ULK4: variants seen among roughly 807,000 people sequenced by gnomAD.
The protein encoded by ULK4 is inactive serine/threonine-protein kinase ULK4.
In ULK4, 133 loss-of-function variants were observed where a neutral mutation model predicts 160.6. The ratio of observed to expected loss-of-function variants is 0.83; its 90% CI spans 0.72 to 0.96. ULK4 has a LOEUF of 0.96. Among genes scored for constraint, ULK4 ranks in the 40% least tolerant of loss-of-function variants. The probability of loss-of-function intolerance (pLI) is 0.00; values close to 1 mark genes in which losing one functional copy is unlikely to be tolerated. For missense variants in ULK4, 1,580 were observed against 1,499.5 expected, an observed-to-expected ratio of 1.05 and a Z score of -0.89; for synonymous variants, 534 against 539.8, an observed-to-expected ratio of 0.99 and a Z score of 0.15.
At chr3:41,922,462 A>C (rs1301268301) in intron 5 of ULK4, among the ~76,000 whole-genome samples, 1 of 152,166 alleles carries the variant, frequency 6.6e-6, no homozygotes, top group Non-Finnish European at 1.5e-5. Flanking sequence ...AAGACGAAGG[A>C]AAGGGAAGGG....
At chr3:41,684,909 C>T (rs2036048619) in intron 27 of ULK4, among the ~76,000 whole-genome samples, 1 of 152,172 alleles carries the variant, frequency 6.6e-6, no homozygotes, top group Non-Finnish European at 1.5e-5. Context: ...GCTAACCTTA[C>T]AAATTATCTT....
intron 27 of ULK4, among the ~76,000 whole-genome samples, chr3:41,704,127 T>C (rs9826127): frequency 0.05 from 7,573 of 152,288 alleles, 378 homozygotes; most frequent in African/African-American, 0.13. Context: ...GTTGGAAATT[T>C]GAAAAACATT....
chr3:41,579,548 C>T (rs2030077531), intron 31 of ULK4, among the ~76,000 whole-genome samples: 1 of 133,602 alleles, frequency 7.5e-6, no homozygotes, highest in African/African-American at 2.8e-5. Context: ...GGCTGGAGTG[C>T]AGTGGCGCGA....
rs545723973 is a variant in ULK4, at chr3:41,418,345, G to T, written c.3493-20081C>A. 2.5e-4 allele frequency among the ~76,000 whole-genome samples: 36 copies of T among 146,844 alleles called. 1 individual carries two copies. In the South Asian group the frequency reaches 4.1e-3, roughly 17 times the overall value. On this transcript the variant is annotated intron_variant, in intron 34 of 36. Transcript: ENST00000301831. ...CATACTTTTTTTCTTAATTTGGCGGGGGGGGGGGCACGTTTCTAAGCTACA... is the reference window on the plus strand; with the variant it reads ...CATACTTTTTTTCTTAATTTGGCGGTGGGGGGGGCACGTTTCTAAGCTACA...
intron 33 of ULK4, among the ~76,000 whole-genome samples, chr3:41,458,346 A>C (rs1406994975): frequency 1.3e-5 from 2 of 152,216 alleles, no homozygotes; most frequent in African/African-American, 2.4e-5. Context: ...AACGTGCAAC[A>C]TGATGGTGTT....
chr3:41,291,049 T>G (rs1474824575), intron 35 of ULK4, among the ~76,000 whole-genome samples: 1 of 152,062 alleles, frequency 6.6e-6, no homozygotes, highest in African/African-American at 2.4e-5. Flanking sequence ...AGATGGGATT[T>G]TTTTTGTTTT....
chr3:41,326,002 G>C (rs1011655555), intron 35 of ULK4, among the ~76,000 whole-genome samples: 1 of 152,096 alleles, frequency 6.6e-6, no homozygotes, highest in South Asian at 2.1e-4. Flanking sequence ...AAATGGATAA[G>C]TAATGAATTA....
intron 24 of ULK4, 60 bp from the exon 25 acceptor site, chr3:41,715,353 T>TC: frequency 7.7e-7 from 1 of 1,301,902 alleles, no homozygotes; most frequent in Non-Finnish European, 1.1e-6. Context: ...GTTAGCTCAA[T>TC]AAAAAAAAAA....
rs11360709 is a variant in ULK4, at chr3:41,589,119, TAA to T, written c.3121-22991_3121-22990del. 4.4e-3 allele frequency among the ~76,000 whole-genome samples: 652 copies of T among 149,650 alleles called. 3 individuals are homozygous for T. Among genetic ancestry groups the T allele is most frequent in the African/African-American group, 0.013 (549 of 40,978 alleles). On this transcript the variant is annotated intron_variant, in intron 31 of 36. Transcript: ENST00000301831. The stretch of plus-strand genomic sequence containing the variant: ...AAACACTAGAAAATTAGACAAATAT[TAA>T]AAAAAAAAATAACTTAGCACAGGAC...
intron 32 of ULK4, among the ~76,000 whole-genome samples, chr3:41,526,133 CTT>C (rs1251102517): frequency 6.6e-6 from 1 of 152,122 alleles, no homozygotes; most frequent in Admixed American, 6.6e-5. Context: ...TCATTGAACT[CTT>C]TTTTTCTAGA....
intron 30 of ULK4, among the ~76,000 whole-genome samples, chr3:41,633,877 G>A (rs1559447228): frequency 3.3e-5 from 5 of 152,036 alleles, no homozygotes; most frequent in Non-Finnish European, 1.5e-5. Flanking sequence ...AGCACACCAC[G>A]CAATGTCATT....
intron 35 of ULK4, among the ~76,000 whole-genome samples, chr3:41,390,358 C>CG (rs2081930835): frequency 6.6e-6 from 1 of 152,140 alleles, no homozygotes; most frequent in South Asian, 2.1e-4. Flanking sequence ...TTTTGTGTCT[C>CG]TATTTCCTTC....
chr3:41,678,223 C>CACAT (rs1559479920), intron 29 of ULK4, among the ~76,000 whole-genome samples: 2 of 149,314 alleles, frequency 1.3e-5, no homozygotes, highest in Non-Finnish European at 3.0e-5. Flanking sequence ...CACACACACA[C>CACAT]ACAGAGCTCC....
intron 30 of ULK4, among the ~76,000 whole-genome samples, chr3:41,653,955 A>C (rs1301314582): frequency 2.0e-5 from 3 of 152,254 alleles, no homozygotes; most frequent in Admixed American, 6.5e-5. Context: ...AAATGTATGC[A>C]ATAAACCTAA....
chr3:41,405,484 T>C (rs755545793), intron 34 of ULK4, among the ~76,000 whole-genome samples: 13 of 152,208 alleles, frequency 8.5e-5, no homozygotes, highest in South Asian at 2.1e-4. Flanking sequence ...TTCTCTTGGA[T>C]ATATATCCAC....
At chr3:41,589,270 G>C (rs1022059813) in intron 31 of ULK4, among the ~76,000 whole-genome samples, 3 of 151,990 alleles carry the variant, frequency 2.0e-5, no homozygotes, top group Admixed American at 6.6e-5. Context: ...CAGCAATCTA[G>C]ATTAGTTAAG....
intron 32 of ULK4, among the ~76,000 whole-genome samples, chr3:41,563,310 C>G (rs533478951): frequency 4.8e-5 from 7 of 146,150 alleles, no homozygotes; most frequent in Non-Finnish European, 8.8e-5. Context: ...TCATTTCAAC[C>G]TTGGTGAATC....
Position 41,431,547 on chromosome 3 carries a change from C to CCTTTTTTTTTTTT in ULK4, c.3492+23949_3492+23950insAAAAAAAAAAAAG, listed in dbSNP as rs563543377. Among the ~76,000 whole-genome samples, 56 of 95,850 alleles carry CCTTTTTTTTTTTT rather than the reference C, an allele frequency of 5.8e-4. 4 individuals carry two copies. The highest frequency in any genetic ancestry group is 6.7e-4 in the Non-Finnish European group (33 of 49,616). 62.9% of individuals were successfully genotyped at this position (95,850 alleles called of 152,430 possible). On this transcript the variant is annotated intron_variant, in intron 34 of 36. Coordinates refer to ENST00000301831, the MANE Select transcript of ULK4 (RefSeq NM_017886.4). ...CCTGTGAGGTGTTGTAATTCCCTCC[C>CCTTTTTTTTTTTT]TTTTTTTTTTTTTTTGATGTGGAAA... is the stretch of plus-strand genomic sequence containing the variant.
At chr3:41,563,285 T>C (rs1327759607) in intron 32 of ULK4, among the ~76,000 whole-genome samples, 1 of 152,150 alleles carries the variant, frequency 6.6e-6, no homozygotes, top group Non-Finnish European at 1.5e-5. Context: ...CTGGCTGCCC[T>C]TAACATTTTT....
Sources: gnomAD v4.1 joint callset for allele counts (sites outside exome capture counted in the v4.1 genomes callset) on GRCh38, gnomAD v4.1.1 for gene constraint, MANE v1.5 for transcripts, NCBI Gene and HGNC (gene_info 2026-07-23, HGNC 2026-07-21) for gene names.